Variants in ADCY3 observed in about 807,000 individuals in gnomAD.
ADCY3 encodes adenylate cyclase type 3.
ADCY3 carries 70 observed loss-of-function variants against 119.4 expected under a neutral mutation model. The observed-to-expected ratio is 0.59, with a 90% CI of 0.48 to 0.72. ADCY3 has a LOEUF of 0.72. ADCY3 is among the 30% of genes least tolerant of loss of function. The pLI is 0.00. For synonymous variants in ADCY3, 672 were observed against 621.4 expected, an observed-to-expected ratio of 1.08 and a Z score of -1.21; for missense variants, 1,238 against 1,541.6, an observed-to-expected ratio of 0.80 and a Z score of 3.30.
rs148837111 is a variant in ADCY3 at position 24,848,503 on chromosome 2, T to C, written c.826-6119A>G. Among the ~76,000 whole-genome samples, 970 of 152,268 alleles carry C rather than the reference T, an allele frequency of 6.4e-3. 9 individuals carry two copies. The highest frequency in any genetic ancestry group is 0.022 in the African/African-American group (923 of 41,542). Reference sequence around the variant, plus strand: ...ATTTCCCACTTCACACCTCTATATTTCTGTGTGCGTGTCTTTAATTTCTCT... The same window carrying C: ...ATTTCCCACTTCACACCTCTATATTCCTGTGTGCGTGTCTTTAATTTCTCT... On this transcript the variant is annotated intron_variant, in intron 3 of 21. Transcript: ENST00000679454.
intron 21 of ADCY3, 31 bp from the exon 22 acceptor site, chr2:24,820,145 G>A (rs780188569): frequency 2.3e-4 from 268 of 1,145,734 alleles, no homozygotes; most frequent in Non-Finnish European, 2.9e-4. Flanking sequence ...AGAACGTGGC[G>A]TTACGGGGGG....
intron 3 of ADCY3, among the ~76,000 whole-genome samples, chr2:24,848,217 C>T (rs576109085): frequency 6.6e-6 from 1 of 152,378 alleles, no homozygotes; most frequent in Admixed American, 6.5e-5. Context: ...ACCTGGCCTG[C>T]CCAGGGTGGA....
chr2:24,838,834 G>C, intron 7 of ADCY3: 6 of 1,606,856 alleles, frequency 3.7e-6, no homozygotes, highest in Non-Finnish European at 5.1e-6. Context: ...TGTGTGGGCC[G>C]TATGGCACTT....
intron 9 of ADCY3, among the ~76,000 whole-genome samples, chr2:24,836,061 G>A (rs1670290215): frequency 6.6e-6 from 1 of 152,154 alleles, no homozygotes; most frequent in Non-Finnish European, 1.5e-5. Context: ...TGGATGGTCT[G>A]TGGCAGCAGC....
chr2:24,832,471 T>C (rs1196311644), intron 11 of ADCY3, among the ~76,000 whole-genome samples: 1 of 152,168 alleles, frequency 6.6e-6, no homozygotes, highest in South Asian at 2.1e-4. Flanking sequence ...ACATCCACCT[T>C]AACCTGACAA....
chr2:24,821,156 A>C (rs1667635727), intron 20 of ADCY3: 2 of 434,068 alleles, frequency 4.6e-6, no homozygotes, highest in Admixed American at 7.9e-5. Flanking sequence ...CCCTCAGTAG[A>C]AGCAGCAGGT....
At position 24,899,769 on chromosome 2, in the gene ADCY3, G is replaced by A. The variant is rs1338916056; in HGVS notation, c.675+18544C>T. ...AATGTATCTGTCCTAAATGTGCATA[G>A]AGTCACATAAATATGCAATTCACAG... On this transcript the variant is annotated intron_variant, in intron 2 of 21. Transcript: ENST00000679454. This position sits in a 1 kb window ranked among gnomAD's most constrained non-coding sequence, Gnocchi z 4.5. 3.9e-5 allele frequency among the ~76,000 whole-genome samples: 6 copies of A among 152,156 alleles called. No homozygotes were observed. Among genetic ancestry groups the A allele is most frequent in the African/African-American group, 1.4e-4 (6 of 41,438 alleles).
In ADCY3 at chr2:24,878,356, T is replaced by C. The variant is rs936078437; in HGVS notation, c.676-5637A>G. ...ACAACCCGTAGGGAAATGGGGCTGC[T>C]CTAAGTGGGACTGTCGAGTGGAAGT... On this transcript the variant is annotated intron_variant, in intron 2 of 21. Transcript: ENST00000679454. The surrounding 1 kb of genome is among the most constrained non-coding windows in gnomAD (Gnocchi z 4.0). Among the ~76,000 whole-genome samples the C allele has an allele frequency of 1.3e-5, 2 of 152,008 alleles. No individual in the cohort carries two copies. The highest frequency in any genetic ancestry group is 4.8e-5 in the African/African-American group (2 of 41,380).
At chr2:24,889,366 C>T (rs1191447248) in intron 2 of ADCY3, among the ~76,000 whole-genome samples, 2 of 152,222 alleles carry the variant, frequency 1.3e-5, no homozygotes, top group East Asian at 3.8e-4. Flanking sequence ...TTGCATCTTG[C>T]TCAACTCCCA....
At position 24,841,317 on chromosome 2, in the gene ADCY3, G is replaced by A. The variant is rs1183512963; in HGVS notation, c.1138C>T (p.Arg380Trp). ...ATGGAGCAGACGGCGTGGTCCTCCC[G>A]GTAGTCGGGCAAGCCGCAGATGCAG... ...YYCICGLPDY[R>W]EDHAVCSILM... Residue 380 changes from arginine (R) to tryptophan (W), a missense_variant, in exon 6 of 22, where the codon CGG (arginine) becomes TGG (tryptophan). This residue lies in a region of ADCY3 where 283 missense variants were observed against 437.2 expected (regional missense o/e 0.65). Coordinates refer to ENST00000679454, the MANE Select transcript of ADCY3 (RefSeq NM_004036.5). This position sits in a 1 kb window ranked among gnomAD's most constrained non-coding sequence, Gnocchi z 5.8. 5.7e-6 allele frequency: 9 copies of A among 1,588,230 alleles called. No homozygotes were observed. The highest frequency in any genetic ancestry group is 2.3e-5 in the East Asian group (1 of 43,838).
chr2:24,860,972 C>T (rs1673563910), intron 3 of ADCY3, among the ~76,000 whole-genome samples: 1 of 152,206 alleles, frequency 6.6e-6, no homozygotes, highest in Non-Finnish European at 1.5e-5. Flanking sequence ...AGATAAATAG[C>T]CGAGCATGGG....
Position 24,869,420 on chromosome 2 carries a change from T to A in ADCY3, c.825+3150A>T, listed in dbSNP as rs556944503. On this transcript the variant is annotated intron_variant, in intron 3 of 21. Coordinates refer to ENST00000679454, the MANE Select transcript of ADCY3 (RefSeq NM_004036.5). Reference sequence around the variant, plus strand: ...CCTTTTTTATTTTTATTTTTTTATTTTTAAAGCCAGGATCTCACTTTGTTG... The same window carrying A: ...CCTTTTTTATTTTTATTTTTTTATTATTAAAGCCAGGATCTCACTTTGTTG... Among the ~76,000 whole-genome samples, 6 of 152,258 alleles carry A rather than the reference T, an allele frequency of 3.9e-5. No individual in the cohort carries two copies. The East Asian group carries it at 1.2e-3, about 29-fold the overall frequency.
Position 24,918,268 on chromosome 2 carries a change from AG to A in ADCY3, c.675+44del. 6.6e-7 allele frequency: 1 copy of A among 1,512,546 alleles called. No homozygotes were observed. Among genetic ancestry groups the A allele is most frequent in the Non-Finnish European group, 8.8e-7 (1 of 1,132,198 alleles). 93.7% of individuals were successfully genotyped at this position (1,512,546 alleles called of 1,614,324 possible). A position where few individuals can be genotyped will look rare whatever the true frequency, so the allele number is the denominator to read the frequency against. On this transcript the variant is annotated intron_variant, in intron 2 of 21. Transcript: ENST00000679454. The surrounding 1 kb of genome is among the most constrained non-coding windows in gnomAD (Gnocchi z 5.4). ...CTCCAACAGGTCCCAAGTTGGTGAGAGCTGCAGGAGAGGACGCTGTGGGGGG... is the reference window on the plus strand; with the variant it reads ...CTCCAACAGGTCCCAAGTTGGTGAGACTGCAGGAGAGGACGCTGTGGGGGG...
At chr2:24,821,919 T>TCCTGGG in intron 19 of ADCY3, 2 of 392,194 alleles carry the variant, frequency 5.1e-6, no homozygotes, top group East Asian at 1.0e-4. Context: ...CTGGGCCTGG[T>TCCTGGG]CCTGGTCCTT....
At chr2:24,908,619 T>C (rs992404231) in intron 2 of ADCY3, among the ~76,000 whole-genome samples, 92 of 151,680 alleles carry the variant, frequency 6.1e-4, no homozygotes, top group African/African-American at 2.2e-3. Context: ...TCTATATAAT[T>C]ACCCACCCCT....
At chr2:24,911,393 T>A (rs909299270) in intron 2 of ADCY3, among the ~76,000 whole-genome samples, 3 of 151,088 alleles carry the variant, frequency 2.0e-5, no homozygotes, top group Admixed American at 2.0e-4. Context: ...ATGCCTGTAA[T>A]CCCAGCACTT....
At chr2:24,891,517 G>C (rs1677649985) in intron 2 of ADCY3, among the ~76,000 whole-genome samples, 1 of 152,188 alleles carries the variant, frequency 6.6e-6, no homozygotes, top group African/African-American at 2.4e-5. Context: ...AAGTATAAAA[G>C]TAGTGATGCT....
chr2:24,881,387 C>A (rs1572977514), intron 2 of ADCY3, among the ~76,000 whole-genome samples: 1 of 152,306 alleles, frequency 6.6e-6, no homozygotes, highest in South Asian at 2.1e-4. Context: ...GGACAGGTCT[C>A]TCGGAAGCAG....
At chr2:24,860,044 T>A (rs1056858968) in intron 3 of ADCY3, among the ~76,000 whole-genome samples, 1 of 152,158 alleles carries the variant, frequency 6.6e-6, no homozygotes, top group Non-Finnish European at 1.5e-5. Flanking sequence ...ACAGGACGCG[T>A]GTGAAGGAAG....
Sources: allele counts gnomAD v4.1 joint callset (sites outside exome capture counted in the v4.1 genomes callset), GRCh38; gene constraint gnomAD v4.1.1; regional missense constraint gnomAD v4.1.1; non-coding constraint Gnocchi (gnomAD v3.1); transcripts MANE v1.5; gene names NCBI Gene and HGNC (gene_info 2026-07-23, HGNC 2026-07-21).